The following SNX27 variants were observed in gnomAD, a reference collection of about 807,000 sequenced individuals.
SNX27 encodes the protein sorting nexin 27.
Under a neutral mutation model 71.6 loss-of-function variants are expected in SNX27, and 22 were observed. The observed-to-expected ratio is 0.31, with a 90% CI of 0.22 to 0.44. The LOEUF is 0.44. SNX27 is among the 20% of genes least tolerant of loss of function. SNX27 has a pLI of 1.00. For synonymous variants in SNX27, 269 were observed against 277.2 expected (o/e 0.97, Z 0.29); for missense variants, 531 against 698.6 (o/e 0.76, Z 2.70).
At chr1:151,675,068 C>G (rs907930160) in intron 7 of SNX27, among the ~76,000 whole-genome samples, 2 of 152,124 alleles carry the variant, frequency 1.3e-5, no homozygotes, top group African/African-American at 4.8e-5. Flanking sequence ...CCACCTGGTG[C>G]TACAGATTCT....
At chr1:151,651,687 G>T (rs1201359095) in intron 2 of SNX27, among the ~76,000 whole-genome samples, 1 of 151,532 alleles carries the variant, frequency 6.6e-6, no homozygotes, top group Non-Finnish European at 1.5e-5. Flanking sequence ...ATGGGATGGC[G>T]GCTGGGCGGA....
chr1:151,639,003 C>T lies in SNX27; in HGVS notation c.427C>T (p.Leu143=). ...LSVPPHEADN[L]DPSDDSLGQS... ...TGTACCTCCTCATGAGGCAGATAAC[C>T]TAGATCCCAGTGACGACTCGTTGGG... The change falls in exon 2 of 12, where the codon CTA becomes TTA. Residue 143 remains leucine (L), a synonymous_variant. Transcript: ENST00000458013. 1 of 1,614,096 alleles carries T rather than the reference C, an allele frequency of 6.2e-7. No individual in the cohort carries two copies. The highest frequency in any genetic ancestry group is 2.2e-5 in the East Asian group (1 of 44,890).
intron 1 of SNX27, among the ~76,000 whole-genome samples, chr1:151,637,332 C>A (rs1223631968): frequency 1.3e-5 from 2 of 152,018 alleles, no homozygotes; most frequent in Admixed American, 1.3e-4. Flanking sequence ...GCGCCCACCA[C>A]CATGCCCGGC....
intron 1 of SNX27, among the ~76,000 whole-genome samples, chr1:151,630,096 G>A (rs1392054211): frequency 1.4e-5 from 2 of 146,816 alleles, no homozygotes; most frequent in Non-Finnish European, 3.0e-5. Flanking sequence ...GGGCGACAGA[G>A]TGAGACTTTG....
At chr1:151,682,896 G>C (rs1369182220) in intron 7 of SNX27, among the ~76,000 whole-genome samples, 1 of 152,118 alleles carries the variant, frequency 6.6e-6, no homozygotes, top group African/African-American at 2.4e-5. Flanking sequence ...TTAGCTGGGC[G>C]TGATGGCTCA....
chr1:151,692,805 ACATC>A (rs1210778474), intron 9 of SNX27, 102 bp from the exon 10 acceptor site: 2 of 1,478,270 alleles, frequency 1.4e-6, no homozygotes, highest in Non-Finnish European at 1.9e-6. Flanking sequence ...AGCGATGCAG[ACATC>A]CATTCATTTC....
intron 7 of SNX27, 50 bp downstream of exon 7, chr1:151,668,685 T>C: frequency 6.4e-7 from 1 of 1,564,428 alleles, no homozygotes; most frequent in Non-Finnish European, 8.7e-7. Flanking sequence ...TATGTTTGAA[T>C]ATAGTTGGTA....
intron 1 of SNX27, among the ~76,000 whole-genome samples, chr1:151,634,401 C>G (rs1668379757): frequency 6.6e-6 from 1 of 152,046 alleles, no homozygotes; most frequent in Non-Finnish European, 1.5e-5. Flanking sequence ...CCATTTATAC[C>G]TAGTTTTCAT....
Position 151,625,221 on chromosome 1 carries a change from T to C in SNX27, c.311+12709T>C, listed in dbSNP as rs192393665. Among the ~76,000 whole-genome samples the C allele has an allele frequency of 2.3e-4, 35 of 152,240 alleles. No individual in the cohort carries two copies. The East Asian group carries it at 4.8e-3, about 21-fold the overall frequency. ...GACGTAGGTGCTTTAAAAATACTGG[T>C]GTAGGCCAGGCGCTGTGGCTGACGC... On this transcript the variant is annotated intron_variant, in intron 1 of 11. Transcript: ENST00000458013.
chr1:151,682,748 A>G (rs923645817), intron 7 of SNX27, among the ~76,000 whole-genome samples: 19 of 152,196 alleles, frequency 1.2e-4, no homozygotes, highest in African/African-American at 4.3e-4. Context: ...AAACTATCAG[A>G]TCTAGGCCAG....
At chr1:151,653,636 G>C (rs185166556) in intron 2 of SNX27, among the ~76,000 whole-genome samples, 134 of 152,032 alleles carry the variant, frequency 8.8e-4, no homozygotes, top group African/African-American at 3.0e-3. Flanking sequence ...TCCTGCTTCA[G>C]CCTACCAAGT....
Position 151,612,166 on chromosome 1 carries a change from C to A in SNX27, c.-36C>A. ...AGCACGCGCCGGGAGGCCTTGGAGG[C>A]GTAGGGGGCGGGGGTACGGCTCGCC... On this transcript the variant is annotated 5_prime_UTR_variant, in exon 1 of 12. Coordinates refer to ENST00000458013, the MANE Select transcript of SNX27 (RefSeq NM_001330723.2). The surrounding 1 kb of genome is among the most constrained non-coding windows in gnomAD (Gnocchi z 5.2). 1 of 1,311,060 alleles carries A rather than the reference C, an allele frequency of 7.6e-7. No homozygotes were observed. The highest frequency in any genetic ancestry group is 9.7e-7 in the Non-Finnish European group (1 of 1,028,548). 81.2% of individuals were successfully genotyped at this position (1,311,060 alleles called of 1,614,324 possible).
chr1:151,639,053 A>G lies in SNX27; in HGVS notation c.477A>G (p.Glu159=), dbSNP rs1358387875. 1.2e-6 allele frequency: 2 copies of G among 1,614,058 alleles called. No individual in the cohort carries two copies. Among genetic ancestry groups the G allele is most frequent in the African/African-American group, 2.7e-5 (2 of 74,910 alleles). The change falls in exon 2 of 12, where the codon GAA becomes GAG. Residue 159 remains glutamate, a synonymous_variant. Transcript: ENST00000458013. ...GACAATCATTTTATGATTACACAGA[A>G]AAGCAAGCAGTGCCCATATCGGTCC... ...SLGQSFYDYT[E]KQAVPISVPR... is the part of the protein sequence containing the mutation.
Position 151,665,997 on chromosome 1 carries a change from T to A in SNX27, c.971T>A (p.Ile324Asn). 6.2e-7 allele frequency: 1 copy of A among 1,611,896 alleles called. No homozygotes were observed. The highest frequency in any genetic ancestry group is 8.5e-7 in the Non-Finnish European group (1 of 1,178,536). Reference sequence around the variant, plus strand: ...AATTACTTTGCCTTATTTGAAGTGATCAGTCACTCCTTTGGTAAGTACCAG... The same window carrying A: ...AATTACTTTGCCTTATTTGAAGTGAACAGTCACTCCTTTGGTAAGTACCAG... The part of the protein sequence containing the change: ...TVNYFALFEV[I>N]SHSFVRKLAP... Residue 324 changes from isoleucine to asparagine, a missense_variant, in exon 6 of 12, where the codon ATC becomes AAC. Physicochemically the swap from Ile to Asn is moderately radical, Grantham distance 149. Coordinates refer to ENST00000458013, the MANE Select transcript of SNX27 (RefSeq NM_001330723.2).
Position 151,612,311 on chromosome 1 carries a change from G to A in SNX27, c.110G>A (p.Gly37Glu), listed in dbSNP as rs780332122. The A allele has an allele frequency of 2.6e-5, 39 of 1,521,264 alleles. No homozygotes were observed. Among genetic ancestry groups the A allele is most frequent in the African/African-American group, 2.3e-4 (16 of 69,898 alleles). 94.2% of individuals were successfully genotyped at this position (1,521,264 alleles called of 1,614,324 possible). A position where few individuals can be genotyped will look rare whatever the true frequency, so the allele number is the denominator to read the frequency against. Residue 37 changes from glycine to glutamate, a missense_variant, in exon 1 of 12, where the codon GGA becomes GAA. Gly to Glu is a moderately conservative substitution (Grantham distance 98). Transcript: ENST00000458013. This position sits in a 1 kb window ranked among gnomAD's most constrained non-coding sequence, Gnocchi z 5.2. Reference protein sequence around the residue: ...GLHCAGNGGGGGGGPRVVRIV... With the variant: ...GLHCAGNGGGEGGGPRVVRIV... ...CACTGCGCCGGGAACGGCGGCGGGG[G>A]AGGCGGCGGCCCGCGGGTCGTGCGC...
chr1:151,621,352 T>C (rs998855982), intron 1 of SNX27, among the ~76,000 whole-genome samples: 1 of 152,246 alleles, frequency 6.6e-6, no homozygotes, highest in African/African-American at 2.4e-5. Context: ...ATTGAGTTGC[T>C]GAATAAGGAG....
intron 2 of SNX27, among the ~76,000 whole-genome samples, chr1:151,655,946 C>T (rs994752321): frequency 3.3e-5 from 5 of 152,030 alleles, no homozygotes; most frequent in African/African-American, 7.2e-5. Flanking sequence ...AGCTCTTGGC[C>T]GGACACGGGT....
chr1:151,662,030 G>A lies in SNX27; in HGVS notation c.802-136G>A, dbSNP rs572895449. 11 of 543,396 alleles carry A rather than the reference G, an allele frequency of 2.0e-5. No homozygotes were observed. In the African/African-American group the frequency reaches 2.3e-4, roughly 11 times the overall value. The allele number at this position is 543,396 out of a possible 1,614,324, so 33.7% of individuals were successfully genotyped here. A position where few individuals can be genotyped will look rare whatever the true frequency, so the allele number is the denominator to read the frequency against. On this transcript the variant is annotated intron_variant, in intron 4 of 11. Coordinates refer to ENST00000458013, the MANE Select transcript of SNX27 (RefSeq NM_001330723.2). ...GAAGTCAGCTTTATGACTTGTAAAT[G>A]TATTGATTTTTTTCCCGTTTTCATT... is the stretch of plus-strand genomic sequence containing the variant.
intron 8 of SNX27, among the ~76,000 whole-genome samples, chr1:151,686,518 T>TTGAAAACCTAG (rs1471184478): frequency 2.6e-5 from 4 of 152,246 alleles, no homozygotes; most frequent in African/African-American, 9.6e-5. Context: ...TTAGATTGTC[T>TTGAAAACCTAG]TGAAAACCTA....
Sources: allele counts gnomAD v4.1 joint callset (sites outside exome capture counted in the v4.1 genomes callset), GRCh38; gene constraint gnomAD v4.1.1; non-coding constraint Gnocchi (gnomAD v3.1); transcripts MANE v1.5; gene names NCBI Gene and HGNC (gene_info 2026-07-23, HGNC 2026-07-21).